The following PCDHGC4 variants were observed in gnomAD, a reference collection of about 807,000 sequenced individuals.
The protein encoded by PCDHGC4 is protocadherin gamma subfamily C, 4.
Under a neutral mutation model 59.7 loss-of-function variants are expected in PCDHGC4, and 15 were observed. The ratio of observed to expected loss-of-function variants is 0.25; its 90% CI spans 0.17 to 0.39. The LOEUF (loss-of-function observed/expected upper bound fraction) is 0.39. PCDHGC4 is among the 10% of genes least tolerant of loss of function. PCDHGC4 has a pLI of 1.00. For missense variants in PCDHGC4, 1,016 were observed against 1,189.5 expected (o/e 0.85, Z 2.15); for synonymous variants, 434 against 481.4 (o/e 0.90, Z 1.29).
rs1488446232 is a variant in PCDHGC4, at chr5:141,493,171, A to G, written c.2443-1636A>G. On this transcript the variant is annotated intron_variant, in intron 1 of 3. Coordinates refer to ENST00000306593, the MANE Select transcript of PCDHGC4 (RefSeq NM_018928.3). This position sits in a 1 kb window ranked among gnomAD's most constrained non-coding sequence, Gnocchi z 4.3. ...GGTGATTTTGATAGCTGATTGAGAG[A>G]AACTTACTATATAACTCCTTTGAGA... is the stretch of plus-strand genomic sequence containing the variant. 6.6e-6 allele frequency among the ~76,000 whole-genome samples: 1 copy of G among 152,214 alleles called. No homozygotes were observed. The highest frequency in any genetic ancestry group is 1.5e-5 in the Non-Finnish European group (1 of 68,034).
At chr5:141,502,768 T>C (rs1389860952) in intron 2 of PCDHGC4, among the ~76,000 whole-genome samples, 1 of 152,154 alleles carries the variant, frequency 6.6e-6, no homozygotes, top group East Asian at 1.9e-4. Context: ...GCTGGTATTC[T>C]TCTGAAAATT....
At position 141,511,241 on chromosome 5, in the gene PCDHGC4, C is replaced by T; in HGVS notation, c.*68C>T. On this transcript the variant is annotated 3_prime_UTR_variant, in exon 4 of 4. Transcript: ENST00000306593. ...CCAGCCCAGCTTCTCCTTACCTGCA[C>T]CCAGGCCTCAGAGTTTCAGGGCTAA... The T allele has an allele frequency of 2.5e-6, 4 of 1,585,214 alleles. No individual in the cohort carries two copies. Among genetic ancestry groups the T allele is most frequent in the Non-Finnish European group, 3.4e-6 (4 of 1,165,762 alleles).
Position 141,491,531 on chromosome 5 carries a change from T to G in PCDHGC4, c.2443-3276T>G, listed in dbSNP as rs532897059. On this transcript the variant is annotated intron_variant, in intron 1 of 3. Coordinates refer to ENST00000306593, the MANE Select transcript of PCDHGC4 (RefSeq NM_018928.3). This position sits in a 1 kb window ranked among gnomAD's most constrained non-coding sequence, Gnocchi z 6.9. ...ACGCTCAAGTACATGGAGGTGACGC[T>G]GCGGCCCACAGACTCGCAGAGCCAC... The G allele has an allele frequency of 6.2e-7, 1 of 1,614,044 alleles. No homozygotes were observed. The highest frequency in any genetic ancestry group is 1.7e-5 in the Admixed American group (1 of 60,028).
At chr5:141,499,323 GCTCT>G (rs1259902316) in intron 2 of PCDHGC4, among the ~76,000 whole-genome samples, 1 of 152,046 alleles carries the variant, frequency 6.6e-6, no homozygotes, top group East Asian at 1.9e-4. Context: ...CAGTATCCCT[GCTCT>G]CTCTCAGTTT....
intron 2 of PCDHGC4, among the ~76,000 whole-genome samples, chr5:141,497,962 G>A (rs2099780751): frequency 6.6e-6 from 1 of 152,236 alleles, no homozygotes; most frequent in African/African-American, 2.4e-5. Context: ...TGGCCAGGCA[G>A]TGTTCTCGAT....
At chr5:141,508,588 C>G (rs1721443459) in intron 3 of PCDHGC4, among the ~76,000 whole-genome samples, 1 of 152,176 alleles carries the variant, frequency 6.6e-6, no homozygotes, top group African/African-American at 2.4e-5. Context: ...GGGTGCTACT[C>G]AGAGATCTTG....
chr5:141,488,502 C>T (rs989368385), intron 1 of PCDHGC4, among the ~76,000 whole-genome samples: 2 of 152,146 alleles, frequency 1.3e-5, no homozygotes, highest in Non-Finnish European at 2.9e-5. Context: ...ACACTCATTC[C>T]ACATTTGGGG....
Position 141,489,646 on chromosome 5 carries a change from C to G in PCDHGC4, c.2442+2031C>G, listed in dbSNP as rs1274955075. The G allele has an allele frequency of 1.2e-6, 2 of 1,614,186 alleles. No individual in the cohort carries two copies. Among genetic ancestry groups the G allele is most frequent in the Non-Finnish European group, 1.7e-6 (2 of 1,180,022 alleles). ...TGACAACTCTCCTAGCTTTGCCACC[C>G]CTGAGCGAGAGATGCGCATCTCAGA... On this transcript the variant is annotated intron_variant, in intron 1 of 3. Coordinates refer to ENST00000306593, the MANE Select transcript of PCDHGC4 (RefSeq NM_018928.3). The surrounding 1 kb of genome is among the most constrained non-coding windows in gnomAD (Gnocchi z 4.5).
In PCDHGC4 at chr5:141,486,890, G is replaced by T; in HGVS notation, c.1717G>T (p.Gly573Cys). The change falls in exon 1 of 4, where the codon GGT becomes TGT. Residue 573 changes from glycine to cysteine, a missense_variant. Coordinates refer to ENST00000306593, the MANE Select transcript of PCDHGC4 (RefSeq NM_018928.3). The surrounding 1 kb of genome is among the most constrained non-coding windows in gnomAD (Gnocchi z 5.0). ...PAVLRPRARP[G>C]SLCPQALPPS... is the part of the protein sequence containing the mutation. ...TGTGCTCCGTCCTCGGGCCCGGCCT[G>T]GTTCCTTATGTCCCCAAGCACTGCC... 6.2e-7 allele frequency: 1 copy of T among 1,614,242 alleles called. No individual in the cohort carries two copies. The highest frequency in any genetic ancestry group is 8.5e-7 in the Non-Finnish European group (1 of 1,180,048).
chr5:141,508,919 C>T (rs1166086266), intron 3 of PCDHGC4, among the ~76,000 whole-genome samples: 1 of 151,996 alleles, frequency 6.6e-6, no homozygotes, highest in Non-Finnish European at 1.5e-5. Context: ...GATCTGGCTT[C>T]CTTTTGGAGT....
chr5:141,505,143 C>G lies in PCDHGC4; in HGVS notation c.2502-250C>G, dbSNP rs578261428. ...CGCCACTGCACTCCAGCCTGGATGA[C>G]AGAGTAAGACCCTGTCTAAAACAAA... On this transcript the variant is annotated intron_variant, in intron 2 of 3. Coordinates refer to ENST00000306593, the MANE Select transcript of PCDHGC4 (RefSeq NM_018928.3). Among the ~76,000 whole-genome samples the G allele has an allele frequency of 3.3e-5, 5 of 152,290 alleles. No homozygotes were observed. The East Asian group carries it at 7.7e-4, about 24-fold the overall frequency.
Position 141,486,178 on chromosome 5 carries a change from C to A in PCDHGC4, c.1005C>A (p.Ser335Arg), listed in dbSNP as rs767840363. Residue 335 changes from serine to arginine, a missense_variant, in exon 1 of 4, where the codon AGC becomes AGA. By Grantham distance (110) the Ser-to-Arg change is moderately radical. Transcript: ENST00000306593. This position sits in a 1 kb window ranked among gnomAD's most constrained non-coding sequence, Gnocchi z 5.0. ...CTCCAGCCATGGAGCAACATTGCAG[C>A]CTTCGAGTGGATCTGCTGGACGTAA... ...GGSPAMEQHC[S>R]LRVDLLDVND... 1.2e-6 allele frequency: 2 copies of A among 1,614,194 alleles called. No homozygotes were observed. The highest frequency in any genetic ancestry group is 2.2e-5 in the East Asian group (1 of 44,882).
At chr5:141,505,599 G>T in intron 3 of PCDHGC4, 118 bp downstream of exon 3, 1 of 1,555,586 alleles carries the variant, frequency 6.4e-7, no homozygotes, top group Non-Finnish European at 8.7e-7. Context: ...CAGATCTTTC[G>T]GCAGGTCTGA....
In PCDHGC4 at chr5:141,511,261, G is replaced by A; in HGVS notation, c.*88G>A. On this transcript the variant is annotated 3_prime_UTR_variant, in exon 4 of 4. Transcript: ENST00000306593. The stretch of plus-strand genomic sequence containing the variant: ...CTGCACCCAGGCCTCAGAGTTTCAG[G>A]GCTAACCCCCAGAATACTGGTAGGG... 2 of 1,557,474 alleles carry A rather than the reference G, an allele frequency of 1.3e-6. No homozygotes were observed. The highest frequency in any genetic ancestry group is 1.4e-5 in the African/African-American group (1 of 73,440).
At position 141,489,072 on chromosome 5, in the gene PCDHGC4, A is replaced by AC; in HGVS notation, c.2442+1462dup. The AC allele has an allele frequency of 1.3e-5, 2 of 157,710 alleles. No homozygotes were observed. Among genetic ancestry groups the AC allele is most frequent in the Non-Finnish European group, 1.2e-5 (1 of 83,996 alleles). 9.8% of individuals were successfully genotyped at this position (157,710 alleles called of 1,614,324 possible). A position where few individuals can be genotyped will look rare whatever the true frequency, so the allele number is the denominator to read the frequency against. On this transcript the variant is annotated intron_variant, in intron 1 of 3. Transcript: ENST00000306593. This position sits in a 1 kb window ranked among gnomAD's most constrained non-coding sequence, Gnocchi z 4.5. The stretch of plus-strand genomic sequence containing the variant: ...AATTCAGCTCCCCTCCCCCCTGCCC[A>AC]CCCCCGCCACTCGGTGACTAAGAAC...
At position 141,485,791 on chromosome 5, in the gene PCDHGC4, G is replaced by A; in HGVS notation, c.618G>A (p.Ser206=). The A allele has an allele frequency of 6.2e-7, 1 of 1,614,196 alleles. No homozygotes were observed. The highest frequency in any genetic ancestry group is 8.5e-7 in the Non-Finnish European group (1 of 1,180,032). ...LEKPLDREKQ[S]DYRLVLTAVD... ...AGCCTTTGGATCGAGAGAAGCAATC[G>A]GACTACCGCCTGGTGCTGACTGCTG... The change falls in exon 1 of 4, where the codon TCG becomes TCA. Residue 206 remains serine, a synonymous_variant. Transcript: ENST00000306593. The surrounding 1 kb of genome is among the most constrained non-coding windows in gnomAD (Gnocchi z 5.7).
intron 2 of PCDHGC4, among the ~76,000 whole-genome samples, chr5:141,499,528 G>T (rs961802549): frequency 1.3e-5 from 2 of 152,142 alleles, no homozygotes; most frequent in African/African-American, 2.4e-5. Context: ...AAAGTAGAGA[G>T]AATGGTGTCA....
rs1345498022 is a variant in PCDHGC4 at position 141,493,312 on chromosome 5, A to G, written c.2443-1495A>G. On this transcript the variant is annotated intron_variant, in intron 1 of 3. Coordinates refer to ENST00000306593, the MANE Select transcript of PCDHGC4 (RefSeq NM_018928.3). This position sits in a 1 kb window ranked among gnomAD's most constrained non-coding sequence, Gnocchi z 4.3. ...CTCAAGTTCACAGAGCAAGTAAGAG[A>G]GATTCTAACCCCTGTCTAACTCCAG... 6.6e-6 allele frequency among the ~76,000 whole-genome samples: 1 copy of G among 152,174 alleles called. No individual in the cohort carries two copies. Among genetic ancestry groups the G allele is most frequent in the Non-Finnish European group, 1.5e-5 (1 of 68,028 alleles).
In PCDHGC4 at chr5:141,491,257, G is replaced by A. The variant is rs754721047; in HGVS notation, c.2443-3550G>A. 2 of 1,614,170 alleles carry A rather than the reference G, an allele frequency of 1.2e-6. No individual in the cohort carries two copies. The highest frequency in any genetic ancestry group is 3.3e-5 in the Admixed American group (2 of 60,020). On this transcript the variant is annotated intron_variant, in intron 1 of 3. Coordinates refer to ENST00000306593, the MANE Select transcript of PCDHGC4 (RefSeq NM_018928.3). This position sits in a 1 kb window ranked among gnomAD's most constrained non-coding sequence, Gnocchi z 6.9. ...GGTTCTGGAGGATGAGGACCCTGAG[G>A]AAATGCCCAAATCCAGTGACTTCCT... is the stretch of plus-strand genomic sequence containing the variant.
Sources: allele counts gnomAD v4.1 joint callset (sites outside exome capture counted in the v4.1 genomes callset), GRCh38; gene constraint gnomAD v4.1.1; non-coding constraint Gnocchi (gnomAD v3.1); transcripts MANE v1.5; gene names NCBI Gene and HGNC (gene_info 2026-07-23, HGNC 2026-07-21).